Variants in RAD51B observed in about 807,000 individuals in gnomAD.
RAD51B encodes DNA repair protein RAD51 homolog 2.
In RAD51B, 38 loss-of-function variants were observed where a neutral mutation model predicts 42.2. The observed-to-expected ratio is 0.90, with a 90% CI of 0.70 to 1.18. RAD51B has a LOEUF of 1.18. Ranked by LOEUF, RAD51B falls within the 50% of genes most tolerant of loss-of-function variation. The pLI is 0.00. For synonymous variants in RAD51B, 154 were observed against 145.2 expected (o/e 1.06, Z -0.43); for missense variants, 373 against 400.7 (o/e 0.93, Z 0.59).
intron 7 of RAD51B, among the ~76,000 whole-genome samples, chr14:68,007,551 A>T (rs1269283945): frequency 6.6e-6 from 1 of 152,038 alleles, no homozygotes; most frequent in African/African-American, 2.4e-5. Flanking sequence ...TATACCTGCT[A>T]TTCTAACGAG....
At chr14:68,277,785 C>G (rs1430339043) in intron 7 of RAD51B, among the ~76,000 whole-genome samples, 1 of 152,112 alleles carries the variant, frequency 6.6e-6, no homozygotes, top group Non-Finnish European at 1.5e-5. Flanking sequence ...GTCATCCAGG[C>G]TGGAGTGTAG....
chr14:67,852,190 G>T (rs1717889056), intron 4 of RAD51B, among the ~76,000 whole-genome samples: 1 of 152,230 alleles, frequency 6.6e-6, no homozygotes, highest in African/African-American at 2.4e-5. Flanking sequence ...TCAGTTGGTG[G>T]TGGAGTGGGC....
chr14:67,862,857 A>G (rs2139982803), intron 4 of RAD51B, among the ~76,000 whole-genome samples: 1 of 152,150 alleles, frequency 6.6e-6, no homozygotes, highest in African/African-American at 2.4e-5. Flanking sequence ...ATGATTTTTA[A>G]TGTTTATAAT....
intron 7 of RAD51B, among the ~76,000 whole-genome samples, chr14:68,256,242 G>A (rs2080751697): frequency 1.3e-5 from 2 of 152,190 alleles, no homozygotes; most frequent in African/African-American, 4.8e-5. Context: ...TCCAGGGCTG[G>A]TGCTGGTGGC....
chr14:67,921,567 T>TCACACACA lies in RAD51B; in HGVS notation c.756+34412_756+34419dup, dbSNP rs3219795. Among the ~76,000 whole-genome samples, 300 of 125,924 alleles carry TCACACACA rather than the reference T, an allele frequency of 2.4e-3. 1 individual carries two copies. The highest frequency in any genetic ancestry group is 5.8e-3 in the African/African-American group (197 of 33,802). 82.6% of individuals were successfully genotyped at this position (125,924 alleles called of 152,430 possible). On this transcript the variant is annotated intron_variant, in intron 7 of 10. Transcript: ENST00000471583. ...CTATGTGCATGTACATATGTGCACATCACACACACACACACACACACACAC... is the reference window on the plus strand; with the variant it reads ...CTATGTGCATGTACATATGTGCACATCACACACACACACACACACACACACACACACAC...
chr14:67,931,899 A>G (rs1056042794), intron 7 of RAD51B, among the ~76,000 whole-genome samples: 2 of 152,028 alleles, frequency 1.3e-5, no homozygotes, highest in South Asian at 2.1e-4. Context: ...CATGTTTTCT[A>G]TATCCTTGTG....
intron 3 of RAD51B, among the ~76,000 whole-genome samples, chr14:67,829,057 C>G (rs2040935401): frequency 6.6e-6 from 1 of 152,054 alleles, no homozygotes. Context: ...AGCATTGAAT[C>G]TATAAATTAC....
chr14:68,532,467 T>G (rs1026173413), intron 10 of RAD51B, among the ~76,000 whole-genome samples: 2 of 152,174 alleles, frequency 1.3e-5, no homozygotes, highest in South Asian at 4.1e-4. Flanking sequence ...TATGAACAAC[T>G]TAATACTAGT....
chr14:68,659,121 C>A (rs1459664645), intron 11 of RAD51B, among the ~76,000 whole-genome samples: 2 of 152,232 alleles, frequency 1.3e-5, no homozygotes, highest in Non-Finnish European at 2.9e-5. Context: ...GGGGGAAAGC[C>A]CTGCAGAAGC....
chr14:67,828,173 A>G (rs2040897954), intron 3 of RAD51B, among the ~76,000 whole-genome samples: 1 of 152,018 alleles, frequency 6.6e-6, no homozygotes, highest in Non-Finnish European at 1.5e-5. Context: ...CTTTTTAGTA[A>G]TTGCCATTCT....
At chr14:67,836,679 G>A (rs2041253129) in intron 4 of RAD51B, among the ~76,000 whole-genome samples, 1 of 152,032 alleles carries the variant, frequency 6.6e-6, no homozygotes, top group African/African-American at 2.4e-5. Flanking sequence ...TGTCCAGGCT[G>A]GTCTCAAACT....
At chr14:68,448,302 A>G (rs184505395) in intron 9 of RAD51B, among the ~76,000 whole-genome samples, 13 of 152,354 alleles carry the variant, frequency 8.5e-5, no homozygotes, top group Non-Finnish European at 1.6e-4. Context: ...TCTTTTATAT[A>G]TTGACCAGAA....
chr14:68,154,497 A>G (rs1391460031), intron 7 of RAD51B, among the ~76,000 whole-genome samples: 1 of 152,142 alleles, frequency 6.6e-6, no homozygotes, highest in Non-Finnish European at 1.5e-5. Flanking sequence ...GCATGCACTA[A>G]TCAGTACTCT....
At chr14:68,141,138 A>T (rs2078119210) in intron 7 of RAD51B, among the ~76,000 whole-genome samples, 1 of 152,250 alleles carries the variant, frequency 6.6e-6, no homozygotes, top group Non-Finnish European at 1.5e-5. Flanking sequence ...CAGACATTGA[A>T]GAAACTTGCA....
chr14:68,552,782 A>G (rs1888644483), intron 10 of RAD51B, among the ~76,000 whole-genome samples: 1 of 152,174 alleles, frequency 6.6e-6, no homozygotes, highest in Non-Finnish European at 1.5e-5. Context: ...TTAATTGGTT[A>G]TGGTTTTCTT....
chr14:68,202,870 C>G (rs2079518140), intron 7 of RAD51B, among the ~76,000 whole-genome samples: 1 of 152,154 alleles, frequency 6.6e-6, no homozygotes, highest in South Asian at 2.1e-4. Flanking sequence ...GCATGAGCCA[C>G]TGCGCCCAGG....
At chr14:68,297,050 A>C (rs1329923407) in intron 8 of RAD51B, among the ~76,000 whole-genome samples, 5 of 152,150 alleles carry the variant, frequency 3.3e-5, no homozygotes, top group African/African-American at 1.2e-4. Context: ...GTATTTGGGG[A>C]TTCATATTCC....
At chr14:68,664,699 C>A (rs10150973) in intron 11 of RAD51B, among the ~76,000 whole-genome samples, 1 of 152,104 alleles carries the variant, frequency 6.6e-6, no homozygotes, top group Non-Finnish European at 1.5e-5. Flanking sequence ...ACATTGGGTT[C>A]ATATGTGCTT....
chr14:68,265,259 A>G (rs909286644), intron 7 of RAD51B, among the ~76,000 whole-genome samples: 10 of 152,220 alleles, frequency 6.6e-5, no homozygotes, highest in Non-Finnish European at 1.5e-4. Flanking sequence ...ATTTGGCCTT[A>G]GTAAAGTTTG....
Sources: gnomAD v4.1 joint callset for allele counts (sites outside exome capture counted in the v4.1 genomes callset) on GRCh38, gnomAD v4.1.1 for gene constraint, MANE v1.5 for transcripts, NCBI Gene and HGNC (gene_info 2026-07-23, HGNC 2026-07-21) for gene names.